CAPN15: variants seen among roughly 807,000 people sequenced by gnomAD.
CAPN15 encodes calpain 15, also known as calpain-15.
CAPN15 carries 53 observed loss-of-function variants against 97.9 expected under a neutral mutation model. The ratio of observed to expected loss-of-function variants is 0.54; its 90% CI spans 0.43 to 0.68. The LOEUF (loss-of-function observed/expected upper bound fraction) is 0.68. CAPN15 is among the 30% of genes least tolerant of loss of function. The pLI is 0.00. For synonymous variants in CAPN15, 922 were observed against 722.5 expected, an observed-to-expected ratio of 1.28 and a Z score of -4.43; for missense variants, 1,592 against 1,589.8, an observed-to-expected ratio of 1.00 and a Z score of -0.02.
At chr16:537,187 C>T (rs1258588926) in intron 3 of CAPN15, 3 of 985,508 alleles carry the variant, frequency 3.0e-6, no homozygotes, top group Non-Finnish European at 1.2e-6. Context: ...TGTCCCTGCT[C>T]TCCTAGGACA....
intron 3 of CAPN15, among the ~76,000 whole-genome samples, chr16:542,054 C>T (rs944937913): frequency 6.0e-5 from 9 of 151,182 alleles, no homozygotes; most frequent in East Asian, 1.9e-4. Flanking sequence ...GCAGAAGGTG[C>T]GTGGACGTGG....
At position 553,524 on chromosome 16, in the gene CAPN15, G is replaced by A. The variant is rs756171466; in HGVS notation, c.*8G>A. Reference sequence around the variant, plus strand: ...GGGCCCCGACCGCTGTGACCACCATGCCTGGGGCAGGGGCTGTGCACAGAC... The same window carrying A: ...GGGCCCCGACCGCTGTGACCACCATACCTGGGGCAGGGGCTGTGCACAGAC... On this transcript the variant is annotated 3_prime_UTR_variant, in exon 14 of 14. Coordinates refer to ENST00000219611, the MANE Select transcript of CAPN15 (RefSeq NM_005632.3). The A allele has an allele frequency of 3.1e-6, 5 of 1,595,314 alleles. No homozygotes were observed. Among genetic ancestry groups the A allele is most frequent in the Non-Finnish European group, 4.3e-6 (5 of 1,168,476 alleles).
At position 536,099 on chromosome 16, in the gene CAPN15, A is replaced by G; in HGVS notation, c.-66A>G. On this transcript the variant is annotated 5_prime_UTR_variant, in exon 3 of 14. Transcript: ENST00000219611. ...TCGGGGCCACTGCACTGGGTGATTC[A>G]CGTGTGCCCAGGCCCTGAGGTGGGC... is the stretch of plus-strand genomic sequence containing the variant. The G allele has an allele frequency of 1.0e-6, 1 of 976,042 alleles. No homozygotes were observed. The highest frequency in any genetic ancestry group is 1.2e-6 in the Non-Finnish European group (1 of 828,278). 60.5% of individuals were successfully genotyped at this position (976,042 alleles called of 1,614,324 possible).
Position 547,631 on chromosome 16 carries a change from C to T in CAPN15, c.793C>T (p.Pro265Ser), listed in dbSNP as rs756935333. The T allele has an allele frequency of 1.5e-5, 23 of 1,568,534 alleles. No homozygotes were observed. The highest frequency in any genetic ancestry group is 1.9e-5 in the Non-Finnish European group (22 of 1,158,658). Residue 265 changes from proline (P) to serine (S), a missense_variant, in exon 4 of 14, where the codon CCG becomes TCG. This residue lies in a region of CAPN15 where 883 missense variants were observed against 776.6 expected (regional missense o/e 1.14). Coordinates refer to ENST00000219611, the MANE Select transcript of CAPN15 (RefSeq NM_005632.3). ...GCCACCGGTGCCTGAGGCTGCCCAG[C>T]CGTCACCCTCTGCCGGCTGCAGGGG... ...LQPPVPEAAQ[P>S]SPSAGCRGAP... is the part of the protein sequence containing the mutation.
At chr16:541,943 G>A (rs2034148322) in intron 3 of CAPN15, among the ~76,000 whole-genome samples, 1 of 34,464 alleles carries the variant, frequency 2.9e-5, no homozygotes, top group Non-Finnish European at 5.9e-5. Context: ...TGCAGAAGGT[G>A]CGTGGATGTG....
Position 554,465 on chromosome 16 carries a change from G to A in CAPN15, c.*949G>A. ...TGGAGAAACATTCCCACTCCCCTTT[G>A]GCCTCCCTGTACTCTGAGCTGTGAA... On this transcript the variant is annotated 3_prime_UTR_variant, in exon 14 of 14. Transcript: ENST00000219611. 2.2e-6 allele frequency: 1 copy of A among 453,306 alleles called. No individual in the cohort carries two copies. The highest frequency in any genetic ancestry group is 1.6e-5 in the South Asian group (1 of 64,444). 28.1% of individuals were successfully genotyped at this position (453,306 alleles called of 1,614,324 possible). A position where few individuals can be genotyped will look rare whatever the true frequency, so the allele number is the denominator to read the frequency against.
Position 542,371 on chromosome 16 carries a change from G to A in CAPN15, c.-22-4446G>A, listed in dbSNP as rs577160935. 7.4e-4 allele frequency among the ~76,000 whole-genome samples: 113 copies of A among 152,252 alleles called. 1 individual carries two copies. Among genetic ancestry groups the A allele is most frequent in the African/African-American group, 2.6e-3 (107 of 41,540 alleles). ...GAACTGCCAAGCCATCTTCCGCAGC[G>A]GCTGCATTACCTAGTTCCCACCGGC... On this transcript the variant is annotated intron_variant, in intron 3 of 13. Coordinates refer to ENST00000219611, the MANE Select transcript of CAPN15 (RefSeq NM_005632.3).
At chr16:551,913 C>T (rs563794844) in intron 9 of CAPN15, 138 bp from the exon 10 acceptor site, 199 of 1,079,540 alleles carry the variant, frequency 1.8e-4, no homozygotes, top group Admixed American at 3.4e-4. Flanking sequence ...GATGGGCCCC[C>T]GGGGGCCGGG....
intron 3 of CAPN15, among the ~76,000 whole-genome samples, chr16:542,335 AAT>A (rs1422099013): frequency 6.6e-6 from 1 of 152,136 alleles, no homozygotes; most frequent in Non-Finnish European, 1.5e-5. Context: ...GAACTTTCAT[AAT>A]GTCTTGAGGA....
At chr16:533,134 T>C (rs1318447743) in intron 1 of CAPN15, among the ~76,000 whole-genome samples, 1 of 151,914 alleles carries the variant, frequency 6.6e-6, no homozygotes, top group African/African-American at 2.4e-5. Flanking sequence ...GGCAGGAGAA[T>C]AGCTTGAACC....
At position 551,655 on chromosome 16, in the gene CAPN15, A is replaced by G; in HGVS notation, c.2336A>G (p.Asp779Gly). Residue 779 changes from aspartate (D) to glycine (G), a missense_variant, in exon 9 of 14, where the codon GAC (aspartate) becomes GGC (glycine). By Grantham distance (94) the Asp-to-Gly change is moderately conservative. Around this residue, in one of 3 missense-constraint regions of CAPN15, gnomAD observed 644 missense variants for 699.6 expected, o/e 0.92. Coordinates refer to ENST00000219611, the MANE Select transcript of CAPN15 (RefSeq NM_005632.3). ...SEGVFWMEYG[D>G]FVRYFDSVDI... is the part of the protein sequence containing the mutation. ...GGTGTCTTCTGGATGGAGTACGGCG[A>G]CTTTGTCAGGTATCGGCACCGTGGG... The G allele has an allele frequency of 6.3e-7, 1 of 1,591,934 alleles. No homozygotes were observed. The highest frequency in any genetic ancestry group is 8.5e-7 in the Non-Finnish European group (1 of 1,171,786).
intron 3 of CAPN15, among the ~76,000 whole-genome samples, chr16:542,104 C>T (rs565100984): frequency 1.2e-4 from 18 of 152,358 alleles, no homozygotes; most frequent in East Asian, 1.2e-3. Context: ...CCTCTTCACT[C>T]GGCACCGTGC....
Position 552,354 on chromosome 16 carries a change from G to C in CAPN15, c.2561G>C (p.Arg854Pro). 1 of 1,596,646 alleles carries C rather than the reference G, an allele frequency of 6.3e-7. No homozygotes were observed. The highest frequency in any genetic ancestry group is 8.5e-7 in the Non-Finnish European group (1 of 1,175,584). ...CTGGACCTGTGCATCCTGGTGTTCC[G>C]GGCCACGTTCGGCAGCGGCGGCCAC... is the stretch of plus-strand genomic sequence containing the variant. ...HLLDLCILVF[R>P]ATFGSGGHLS... The change falls in exon 11 of 14, where the codon CGG becomes CCG. Residue 854 changes from arginine (R) to proline (P), a missense_variant. Arg to Pro is a moderately radical substitution (Grantham distance 103). This residue lies in a region of CAPN15 where 644 missense variants were observed against 699.6 expected (regional missense o/e 0.92). Transcript: ENST00000219611. The surrounding 1 kb of genome is among the most constrained non-coding windows in gnomAD (Gnocchi z 6.4).
At chr16:546,781 TCA>T in intron 3 of CAPN15, 34 bp from the exon 4 acceptor site, 3 of 1,540,630 alleles carry the variant, frequency 1.9e-6, no homozygotes, top group Non-Finnish European at 2.6e-6. Flanking sequence ...ACTCAGGACC[TCA>T]CAGGGTGGCC....
At chr16:533,052 C>T (rs1023351037) in intron 1 of CAPN15, among the ~76,000 whole-genome samples, 8 of 151,810 alleles carry the variant, frequency 5.3e-5, no homozygotes, top group African/African-American at 1.7e-4. Context: ...GAAACCTCGT[C>T]TTTACTAAAA....
At chr16:539,068 T>A (rs1420024799) in intron 3 of CAPN15, 1 of 152,136 alleles carries the variant, frequency 6.6e-6, no homozygotes, top group African/African-American at 2.4e-5. Context: ...CCGGATAGTG[T>A]TTAGTTTTCT....
At position 551,451 on chromosome 16, in the gene CAPN15, G is replaced by A. The variant is rs760612890; in HGVS notation, c.2192+24G>A. ...AGGTAGGGCCGGCCTGGCTGAGGGT[G>A]GGTGGGGTGCCGGTGAGACTCGGGC... On this transcript the variant is annotated intron_variant, in intron 8 of 13. Coordinates refer to ENST00000219611, the MANE Select transcript of CAPN15 (RefSeq NM_005632.3). 16 of 1,601,274 alleles carry A rather than the reference G, an allele frequency of 1.0e-5. No homozygotes were observed. In the Admixed American group the frequency reaches 2.7e-4, roughly 27 times the overall value.
intron 1 of CAPN15, among the ~76,000 whole-genome samples, chr16:532,504 G>A (rs1314676594): frequency 1.3e-5 from 2 of 150,800 alleles, no homozygotes; most frequent in Admixed American, 1.3e-4. Context: ...GCAGTGAGTC[G>A]AGATGGCACC....
At chr16:536,499 T>G (rs1181828755) in intron 3 of CAPN15, among the ~76,000 whole-genome samples, 2 of 151,930 alleles carry the variant, frequency 1.3e-5, no homozygotes, top group Non-Finnish European at 2.9e-5. Context: ...CTCGGCTCAC[T>G]GCAACCTCCG....
Sources: allele counts gnomAD v4.1 joint callset (sites outside exome capture counted in the v4.1 genomes callset), GRCh38; gene constraint gnomAD v4.1.1; regional missense constraint gnomAD v4.1.1; non-coding constraint Gnocchi (gnomAD v3.1); transcripts MANE v1.5; gene names NCBI Gene and HGNC (gene_info 2026-07-23, HGNC 2026-07-21).